SNX2: variants seen among roughly 807,000 people sequenced by gnomAD.
SNX2 encodes sorting nexin 2, also known as sorting nexin-2.
A neutral mutation model predicts 69.9 loss-of-function variants in SNX2; 25 were observed. That is an observed-to-expected ratio of 0.36 (90% confidence interval 0.26 to 0.50). The LOEUF (loss-of-function observed/expected upper bound fraction) is 0.50, where lower values mean the gene tolerates loss of function less well. SNX2 is among the 20% of genes least tolerant of loss of function. SNX2 has a pLI of 0.97. For missense variants in SNX2, 551 were observed against 613.3 expected (o/e 0.90, Z 1.07); for synonymous variants, 229 against 200.4 (o/e 1.14, Z -1.20).
intron 1 of SNX2, among the ~76,000 whole-genome samples, chr5:122,790,449 C>T (rs955134420): frequency 3.3e-5 from 5 of 152,140 alleles, no homozygotes. Flanking sequence ...AGCTCACTCT[C>T]ATGGCCATTA....
In SNX2 at chr5:122,789,454, CACACACACAGACACACACGG is replaced by C. The variant is rs1465890056; in HGVS notation, c.109-5802_109-5783del. Among the ~76,000 whole-genome samples the C allele has an allele frequency of 4.6e-4, 54 of 117,270 alleles. No individual in the cohort carries two copies. In the South Asian group the frequency reaches 0.015, roughly 34 times the overall value. The allele number at this position is 117,270 out of a possible 152,430, so 76.9% of individuals were successfully genotyped here. The stretch of plus-strand genomic sequence containing the variant: ...CCACACACACACATACACACACACA[CACACACACAGACACACACGG>C]ACACACACACACACACACACACACA... On this transcript the variant is annotated intron_variant, in intron 1 of 14. Coordinates refer to ENST00000379516, the MANE Select transcript of SNX2 (RefSeq NM_003100.4).
At chr5:122,806,886 G>A (rs975880367) in intron 6 of SNX2, among the ~76,000 whole-genome samples, 19 of 152,160 alleles carry the variant, frequency 1.2e-4, no homozygotes, top group African/African-American at 4.1e-4. Context: ...GTTAATTAAT[G>A]TGCCAAACTG....
At chr5:122,803,390 G>A in intron 5 of SNX2, 82 bp from the exon 6 acceptor site, 1 of 1,318,880 alleles carries the variant, frequency 7.6e-7, no homozygotes, top group Non-Finnish European at 1.0e-6. Context: ...ATACATGTAT[G>A]TGTTCACAAT....
chr5:122,824,474 A>G (rs1754110029), intron 11 of SNX2, among the ~76,000 whole-genome samples: 1 of 152,220 alleles, frequency 6.6e-6, no homozygotes, highest in East Asian at 1.9e-4. Context: ...AAGCAGACAA[A>G]GGAGACAGTA....
Position 122,808,330 on chromosome 5 carries a change from G to C in SNX2, c.697G>C (p.Glu233Gln), listed in dbSNP as rs1753698548. The C allele has an allele frequency of 6.2e-7, 1 of 1,610,884 alleles. No homozygotes were observed. The highest frequency in any genetic ancestry group is 2.2e-5 in the East Asian group (1 of 44,674). Residue 233 changes from glutamate (E) to glutamine (Q), a missense_variant, in exon 7 of 15, where the codon GAA (glutamate) becomes CAA (glutamine). Transcript: ENST00000379516. ...AGACTCATCATCCACTGAGTTTGTA[G>C]AAAAACGGAGAGCAGCTCTTGAAAG... ...KEDSSSTEFVEKRRAALERYL... is the reference protein window; with the variant it reads ...KEDSSSTEFVQKRRAALERYL...
chr5:122,827,881 G>A (rs1754190985), intron 14 of SNX2: 2 of 406,436 alleles, frequency 4.9e-6, no homozygotes, highest in East Asian at 3.9e-5. Flanking sequence ...CCCAGTTTTA[G>A]GCCATCAGAA....
intron 8 of SNX2, 56 bp from the exon 9 acceptor site, chr5:122,816,855 CTAGT>C: frequency 1.1e-6 from 1 of 927,252 alleles, no homozygotes; most frequent in East Asian, 2.5e-5. Context: ...ACTTTTGTGC[CTAGT>C]TAAACCTCCA....
chr5:122,784,593 A>C (rs1414651247), intron 1 of SNX2, among the ~76,000 whole-genome samples: 1 of 152,032 alleles, frequency 6.6e-6, no homozygotes, highest in Non-Finnish European at 1.5e-5. Context: ...TCTTGGGATA[A>C]ACCCCACACA....
intron 10 of SNX2, 50 bp from the exon 11 acceptor site, chr5:122,818,768 A>C (rs1308386514): frequency 6.8e-7 from 1 of 1,476,376 alleles, no homozygotes; most frequent in African/African-American, 1.4e-5. Context: ...ACAATATTTT[A>C]AAATTTTATG....
chr5:122,806,142 G>GCGCGCGCGCGCACACACACACACACACA, intron 6 of SNX2, among the ~76,000 whole-genome samples: 54 of 130,636 alleles, frequency 4.1e-4, no homozygotes, highest in African/African-American at 1.5e-3. Flanking sequence ...ACACGCGCGC[G>GCGCGCGCGCGCACACACACACACACACA]CACACACACA....
chr5:122,811,239 A>G (rs1436476856), intron 7 of SNX2, among the ~76,000 whole-genome samples: 1 of 152,192 alleles, frequency 6.6e-6, no homozygotes, highest in African/African-American at 2.4e-5. Context: ...AGAGAAAAGG[A>G]GTGGTTAAAT....
Position 122,784,412 on chromosome 5 carries a change from C to T in SNX2, c.108+9201C>T, listed in dbSNP as rs372129598. On this transcript the variant is annotated intron_variant, in intron 1 of 14. Transcript: ENST00000379516. ...AGTTTTCTGAGTTTTTATCCATGAA[C>T]GGATGTTAATTTTGACAAATGCTTT... 1.8e-4 allele frequency among the ~76,000 whole-genome samples: 27 copies of T among 151,556 alleles called. 3 individuals carry two copies. The highest frequency in any genetic ancestry group is 3.9e-4 in the East Asian group (2 of 5,174).
intron 6 of SNX2, among the ~76,000 whole-genome samples, chr5:122,806,094 A>ATGTGTGTGTGTGTG (rs147188322): frequency 8.0e-6 from 1 of 124,794 alleles, no homozygotes; most frequent in African/African-American, 3.0e-5. Context: ...TAAAACTTTT[A>ATGTGTGTGTGTGTG]TGTGTGTGTG....
Position 122,819,378 on chromosome 5 carries a change from G to A in SNX2, c.1212+355G>A, listed in dbSNP as rs987009063. On this transcript the variant is annotated intron_variant, in intron 11 of 14. Coordinates refer to ENST00000379516, the MANE Select transcript of SNX2 (RefSeq NM_003100.4). Reference sequence around the variant, plus strand: ...TATTATCATTAGTAAAGCTGACTGTGTAATAAATAGGATAAAACCAGAAAC... The same window carrying A: ...TATTATCATTAGTAAAGCTGACTGTATAATAAATAGGATAAAACCAGAAAC... Among the ~76,000 whole-genome samples, 3 of 152,156 alleles carry A rather than the reference G, an allele frequency of 2.0e-5. 1 individual carries two copies. Among genetic ancestry groups the A allele is most frequent in the South Asian group, 4.1e-4 (2 of 4,830 alleles).
chr5:122,777,825 G>A (rs991291462), intron 1 of SNX2, among the ~76,000 whole-genome samples: 1 of 152,144 alleles, frequency 6.6e-6, no homozygotes, highest in Non-Finnish European at 1.5e-5. Flanking sequence ...ACGTTTATCA[G>A]TTCTTTGTGT....
chr5:122,806,138 G>GCACACACA (rs1314424933), intron 6 of SNX2, among the ~76,000 whole-genome samples: 1 of 61,602 alleles, frequency 1.6e-5, no homozygotes, highest in African/African-American at 4.6e-5. Context: ...ATACACACGC[G>GCACACACA]CGCGCACACA....
chr5:122,803,384 A>G (rs1281774994), intron 5 of SNX2, 88 bp from the exon 6 acceptor site: 2 of 1,277,058 alleles, frequency 1.6e-6, no homozygotes, highest in African/African-American at 1.5e-5. Context: ...AAGTAGATAC[A>G]TGTATGTGTT....
chr5:122,812,153 C>G (rs1009613145), intron 7 of SNX2, among the ~76,000 whole-genome samples: 1 of 152,194 alleles, frequency 6.6e-6, no homozygotes, highest in African/African-American at 2.4e-5. Context: ...CAGAACTTTA[C>G]AGTAGTCATT....
At position 122,827,903 on chromosome 5, in the gene SNX2, A is replaced by C. The variant is rs191822907; in HGVS notation, c.1509+257A>C. 489 of 356,522 alleles carry C rather than the reference A, an allele frequency of 1.4e-3. 1 individual carries two copies. The highest frequency in any genetic ancestry group is 2.0e-3 in the Non-Finnish European group (390 of 198,070). 22.1% of individuals were successfully genotyped at this position (356,522 alleles called of 1,614,324 possible). A position where few individuals can be genotyped will look rare whatever the true frequency, so the allele number is the denominator to read the frequency against. The stretch of plus-strand genomic sequence containing the variant: ...TTAGGCCATCAGAAACCTCATGGGC[A>C]ACTTTCCCCTTTCACTGTCTTTCTA... On this transcript the variant is annotated intron_variant, in intron 14 of 14. Transcript: ENST00000379516.
Sources: allele counts gnomAD v4.1 joint callset (sites outside exome capture counted in the v4.1 genomes callset), GRCh38; gene constraint gnomAD v4.1.1; transcripts MANE v1.5; gene names NCBI Gene and HGNC (gene_info 2026-07-23, HGNC 2026-07-21).